The following LRRC74A variants were observed in gnomAD, a reference collection of about 807,000 sequenced individuals.
LRRC74A encodes the protein leucine-rich repeat-containing protein 74A.
A neutral mutation model predicts 57.9 loss-of-function variants in LRRC74A; 44 were observed. That is an observed-to-expected ratio of 0.76 (90% CI 0.60 to 0.98). The LOEUF (loss-of-function observed/expected upper bound fraction) is 0.98, where lower values mean the gene tolerates loss of function less well. Ranked by LOEUF, LRRC74A falls within the 50% of genes least tolerant of loss-of-function variation. The pLI, the probability that LRRC74A is intolerant of heterozygous loss-of-function variation, is 0.00. For missense variants in LRRC74A, 572 were observed against 574.0 expected (o/e 1.00, Z 0.04); for synonymous variants, 211 against 219.4 (o/e 0.96, Z 0.34).
chr14:76,869,606 G>A (rs1233987718), intron 13 of LRRC74A, among the ~76,000 whole-genome samples: 1 of 151,820 alleles, frequency 6.6e-6, no homozygotes, highest in Non-Finnish European at 1.5e-5. Flanking sequence ...ACAAAACTTA[G>A]TGAAAATTAG....
intron 9 of LRRC74A, among the ~76,000 whole-genome samples, chr14:76,853,755 T>C (rs1897689173): frequency 6.6e-6 from 1 of 151,934 alleles, no homozygotes; most frequent in Admixed American, 6.6e-5. Flanking sequence ...CTTTTTGTTT[T>C]GTTTTGTTTT....
chr14:76,831,727 G>C (rs1391915441), intron 3 of LRRC74A, among the ~76,000 whole-genome samples: 1 of 152,162 alleles, frequency 6.6e-6, no homozygotes, highest in Non-Finnish European at 1.5e-5. Context: ...ATGCCAGCCT[G>C]GGTCTTCATT....
intron 9 of LRRC74A, among the ~76,000 whole-genome samples, chr14:76,854,787 G>A (rs777116724): frequency 6.6e-6 from 1 of 152,118 alleles, no homozygotes. Context: ...TAATATAGAT[G>A]CTATTGAGCA....
At position 76,847,329 on chromosome 14, in the gene LRRC74A, G is replaced by C. The variant is rs552365450; in HGVS notation, c.676+2428G>C. Among the ~76,000 whole-genome samples, 17 of 152,224 alleles carry C rather than the reference G, an allele frequency of 1.1e-4. No homozygotes were observed. In the South Asian group the frequency reaches 2.7e-3, roughly 24 times the overall value. ...TAGTAGACTGGATTAAAAAAATTTG[G>C]TGCATATACACCACGGAATACTATG... is the stretch of plus-strand genomic sequence containing the variant. On this transcript the variant is annotated intron_variant, in intron 7 of 13. Coordinates refer to ENST00000689127, the MANE Select transcript of LRRC74A (RefSeq NM_001385106.1).
At chr14:76,863,596 AC>A (rs1252344627) in intron 11 of LRRC74A, among the ~76,000 whole-genome samples, 1 of 152,184 alleles carries the variant, frequency 6.6e-6, no homozygotes, top group Non-Finnish European at 1.5e-5. Flanking sequence ...CCTTGGCTTC[AC>A]CCTTGCATTG....
intron 9 of LRRC74A, among the ~76,000 whole-genome samples, chr14:76,854,317 CTG>C (rs1187870039): frequency 2.0e-5 from 3 of 152,178 alleles, no homozygotes; most frequent in Non-Finnish European, 1.5e-5. Context: ...AGAATGAAGA[CTG>C]TGTTTGGGCC....
intron 5 of LRRC74A, among the ~76,000 whole-genome samples, chr14:76,843,994 C>A (rs1896951091): frequency 6.7e-6 from 1 of 149,582 alleles, no homozygotes; most frequent in African/African-American, 2.5e-5. Flanking sequence ...AGCCACAGTA[C>A]CCAGGCTCCT....
chr14:76,850,015 T>C (rs973980585), intron 7 of LRRC74A, among the ~76,000 whole-genome samples: 1 of 151,968 alleles, frequency 6.6e-6, no homozygotes, highest in Non-Finnish European at 1.5e-5. Flanking sequence ...GAGACCATCC[T>C]GGCTAACACG....
At chr14:76,829,873 C>T (rs1895849752) in intron 2 of LRRC74A, among the ~76,000 whole-genome samples, 1 of 152,062 alleles carries the variant, frequency 6.6e-6, no homozygotes, top group Non-Finnish European at 1.5e-5. Context: ...GGCTGTGAGT[C>T]TAGAGAAAAG....
At chr14:76,868,120 T>C (rs4903505) in intron 13 of LRRC74A, among the ~76,000 whole-genome samples, 11,157 of 152,214 alleles carry the variant, frequency 0.073, 1,008 homozygotes, top group African/African-American at 0.2. Context: ...AATGCTGCCA[T>C]CACCCCACTT....
intron 11 of LRRC74A, among the ~76,000 whole-genome samples, chr14:76,861,630 GCAGATGTAA>G (rs771971642): frequency 6.6e-6 from 1 of 152,230 alleles, no homozygotes; most frequent in Non-Finnish European, 1.5e-5. Flanking sequence ...ATCACAGGAG[GCAGATGTAA>G]CAGTGGAAAT....
intron 13 of LRRC74A, among the ~76,000 whole-genome samples, chr14:76,868,223 G>A (rs555716648): frequency 1.5e-4 from 23 of 152,332 alleles, no homozygotes; most frequent in Admixed American, 1.4e-3. Flanking sequence ...AGCACTTTGG[G>A]AGGCTGAAAC....
chr14:76,837,519 C>A (rs1896439457), intron 4 of LRRC74A, among the ~76,000 whole-genome samples: 1 of 152,154 alleles, frequency 6.6e-6, no homozygotes, highest in African/African-American at 2.4e-5. Context: ...TGTTTCACTG[C>A]CAAGCTCTCC....
At chr14:76,834,163 A>G (rs890331489) in intron 3 of LRRC74A, among the ~76,000 whole-genome samples, 1 of 152,250 alleles carries the variant, frequency 6.6e-6, no homozygotes, top group African/African-American at 2.4e-5. Context: ...GAAGTGACAC[A>G]AAATGTGAGA....
chr14:76,868,448 G>A (rs956305184), intron 13 of LRRC74A, among the ~76,000 whole-genome samples: 17 of 152,190 alleles, frequency 1.1e-4, no homozygotes, highest in Admixed American at 9.2e-4. Context: ...CAGCCTGGAC[G>A]ACAAAGTGAG....
At position 76,849,825 on chromosome 14, in the gene LRRC74A, C is replaced by CA. The variant is rs976995811; in HGVS notation, c.677-2530dup. On this transcript the variant is annotated intron_variant, in intron 7 of 13. Coordinates refer to ENST00000689127, the MANE Select transcript of LRRC74A (RefSeq NM_001385106.1). The stretch of plus-strand genomic sequence containing the variant: ...CCTCAAAAAAAAAAAACCCAAAAAA[C>CA]AAAAAAAAAACCCAACACTTATTAT... 4.6e-3 allele frequency among the ~76,000 whole-genome samples: 633 copies of CA among 139,004 alleles called. 2 individuals are homozygous for CA. The highest frequency in any genetic ancestry group is 0.015 in the African/African-American group (555 of 37,706). The allele number at this position is 139,004 out of a possible 152,430, so 91.2% of individuals were successfully genotyped here. A position where few individuals can be genotyped will look rare whatever the true frequency, so the allele number is the denominator to read the frequency against.
intron 5 of LRRC74A, among the ~76,000 whole-genome samples, chr14:76,840,171 G>A (rs900574331): frequency 6.6e-6 from 1 of 152,118 alleles, no homozygotes; most frequent in African/African-American, 2.4e-5. Context: ...CCTGAACCAG[G>A]AGTGGTGGCA....
intron 4 of LRRC74A, 70 bp downstream of exon 4, chr14:76,836,384 G>C (rs562118837): frequency 1.7e-6 from 2 of 1,210,768 alleles, no homozygotes; most frequent in South Asian, 2.9e-5. Flanking sequence ...AGACAAGCCA[G>C]AGGCCCTGCC....
intron 7 of LRRC74A, among the ~76,000 whole-genome samples, chr14:76,845,709 A>T (rs1897075333): frequency 6.6e-6 from 1 of 152,200 alleles, no homozygotes; most frequent in South Asian, 2.1e-4. Context: ...AAGACACACA[A>T]CCATGAACAA....
Sources: gnomAD v4.1 joint callset for allele counts (sites outside exome capture counted in the v4.1 genomes callset) on GRCh38, gnomAD v4.1.1 for gene constraint, MANE v1.5 for transcripts, NCBI Gene and HGNC (gene_info 2026-07-23, HGNC 2026-07-21) for gene names.